Variants in NUP98 observed in about 807,000 individuals in gnomAD.
NUP98 encodes nucleoporin 98 and 96 precursor, also known as nuclear pore complex protein Nup98-Nup96.
A neutral mutation model predicts 191.9 loss-of-function variants in NUP98; 26 were observed. The observed-to-expected ratio is 0.14, with a 90% CI of 0.10 to 0.19. The LOEUF (loss-of-function observed/expected upper bound fraction) is 0.19. NUP98 is among the 10% of genes least tolerant of loss of function. The pLI is 1.00. For missense variants in NUP98, 1,941 were observed against 2,178.8 expected (o/e 0.89, Z 2.17); for synonymous variants, 808 against 778.4 (o/e 1.04, Z -0.63).
intron 12 of NUP98, among the ~76,000 whole-genome samples, chr11:3,742,503 C>A (rs2080319247): frequency 6.6e-6 from 1 of 151,878 alleles, no homozygotes; most frequent in South Asian, 2.1e-4. Context: ...GAGTTCGAGA[C>A]CAGCCTGGCC....
intron 28 of NUP98, among the ~76,000 whole-genome samples, chr11:3,687,734 A>T (rs898237981): frequency 1.3e-5 from 2 of 152,248 alleles, no homozygotes; most frequent in African/African-American, 4.8e-5. Context: ...ATGGTTAATA[A>T]GGAAATGTTA....
chr11:3,787,525 G>A lies in NUP98; in HGVS notation c.-28-5380C>T, dbSNP rs558297429. ...TCGAACCCGGAAGGCAGAGGTTGCA[G>A]TGAGCCAAGATCATTCCAGCCTGGG... On this transcript the variant is annotated intron_variant, in intron 1 of 32. Coordinates refer to ENST00000324932, the MANE Select transcript of NUP98 (RefSeq NM_016320.5). Among the ~76,000 whole-genome samples, 6 of 152,212 alleles carry A rather than the reference G, an allele frequency of 3.9e-5. No individual in the cohort carries two copies. The East Asian group carries it at 1.2e-3, about 29-fold the overall frequency.
chr11:3,729,316 AG>A (rs1387362567), intron 14 of NUP98, among the ~76,000 whole-genome samples: 1 of 152,080 alleles, frequency 6.6e-6, no homozygotes, highest in Admixed American at 6.6e-5. Flanking sequence ...GCAACCAGCA[AG>A]GCAGGAAGAA....
At chr11:3,775,252 G>A (rs975736929) in intron 5 of NUP98, among the ~76,000 whole-genome samples, 5 of 152,068 alleles carry the variant, frequency 3.3e-5, no homozygotes, top group African/African-American at 4.8e-5. Flanking sequence ...TGACCAGGCC[G>A]GGCATGGTGG....
chr11:3,777,639 AAAG>A (rs1264526833), intron 4 of NUP98, among the ~76,000 whole-genome samples: 2 of 151,598 alleles, frequency 1.3e-5, no homozygotes, highest in African/African-American at 4.8e-5. Context: ...AAAAAAAAAA[AAAG>A]AAGTTATACA....
chr11:3,747,943 C>T (rs2080569775), intron 11 of NUP98, among the ~76,000 whole-genome samples: 1 of 152,166 alleles, frequency 6.6e-6, no homozygotes, highest in Admixed American at 6.6e-5. Flanking sequence ...TGTGTGCTTG[C>T]TGACTCACAA....
chr11:3,729,817 TC>T (rs955654206), intron 14 of NUP98, among the ~76,000 whole-genome samples: 8 of 149,014 alleles, frequency 5.4e-5, no homozygotes, highest in Non-Finnish European at 3.0e-5. Flanking sequence ...ATGTATGTCC[TC>T]CCACTCTAAT....
chr11:3,696,517 G>GA (rs147702438), intron 25 of NUP98, among the ~76,000 whole-genome samples: 7 of 148,456 alleles, frequency 4.7e-5, no homozygotes, highest in Non-Finnish European at 7.5e-5. Flanking sequence ...AGGGGGGAGG[G>GA]AAAAAAAAAG....
chr11:3,686,801 G>C (rs568456864), intron 28 of NUP98, among the ~76,000 whole-genome samples: 1 of 152,186 alleles, frequency 6.6e-6, no homozygotes, highest in Non-Finnish European at 1.5e-5. Flanking sequence ...GCCTGGCCAA[G>C]ATGGTGAAAC....
chr11:3,691,617 A>G, intron 27 of NUP98, 128 bp from the exon 28 acceptor site: 11 of 855,528 alleles, frequency 1.3e-5, no homozygotes, highest in South Asian at 1.8e-5. Context: ...GCAGTGGGAC[A>G]ATCTCGGCTC....
intron 11 of NUP98, among the ~76,000 whole-genome samples, chr11:3,746,077 C>G (rs2080479676): frequency 6.6e-6 from 1 of 151,912 alleles, no homozygotes; most frequent in African/African-American, 2.4e-5. Flanking sequence ...CAAGACCAGC[C>G]TGACCAACAT....
At chr11:3,727,098 T>C (rs952569277) in intron 14 of NUP98, among the ~76,000 whole-genome samples, 2 of 151,870 alleles carry the variant, frequency 1.3e-5, no homozygotes, top group African/African-American at 4.8e-5. Flanking sequence ...TTCTAGAAAA[T>C]AGAAAGAGGA....
At chr11:3,762,179 G>A (rs1007825298) in intron 9 of NUP98, among the ~76,000 whole-genome samples, 1 of 151,942 alleles carries the variant, frequency 6.6e-6, no homozygotes, top group Non-Finnish European at 1.5e-5. Context: ...GCGCGATCTC[G>A]GGTCACTGCA....
intron 28 of NUP98, among the ~76,000 whole-genome samples, chr11:3,688,362 C>T (rs567802629): frequency 1.5e-4 from 23 of 151,920 alleles, no homozygotes; most frequent in South Asian, 2.1e-4. Flanking sequence ...GCCTAGTTCG[C>T]GCCACTGCAC....
At chr11:3,763,754 C>G (rs1371620783) in intron 8 of NUP98, among the ~76,000 whole-genome samples, 3 of 152,132 alleles carry the variant, frequency 2.0e-5, no homozygotes, top group Non-Finnish European at 4.4e-5. Flanking sequence ...TCACAATGTG[C>G]CCAGGCTGGT....
At chr11:3,679,473 T>C (rs1214657017) in intron 31 of NUP98, 81 bp downstream of exon 31, 13 of 1,477,608 alleles carry the variant, frequency 8.8e-6, no homozygotes, top group Middle Eastern at 1.7e-4. Flanking sequence ...CTCAAGTGTA[T>C]ACTAAGGCCT....
chr11:3,695,012 A>C (rs1432960926), intron 26 of NUP98, among the ~76,000 whole-genome samples: 1 of 152,182 alleles, frequency 6.6e-6, no homozygotes, highest in Non-Finnish European at 1.5e-5. Context: ...TAGACTTAAA[A>C]ACTAGCTGTG....
intron 2 of NUP98, among the ~76,000 whole-genome samples, 188 bp from the exon 3 acceptor site, chr11:3,779,445 C>T (rs1360954170): frequency 6.6e-6 from 1 of 151,816 alleles, no homozygotes; most frequent in African/African-American, 2.4e-5. Flanking sequence ...AGTTCAAGAC[C>T]AGCCTGACCA....
chr11:3,768,717 C>T lies in NUP98; in HGVS notation c.812G>A (p.Gly271Asp). The stretch of plus-strand genomic sequence containing the variant: ...CTGATTCTGTTGGCCAAAGAGACCA[C>T]CTGGATTTGTTCCAAATCCAGTTGT... Reference protein sequence around the residue: ...TSTTGFGTNPGGLFGQQNQQT... With the variant: ...TSTTGFGTNPDGLFGQQNQQT... The change falls in exon 8 of 33, where the codon GGT becomes GAT. Residue 271 changes from glycine to aspartate, a missense_variant. By Grantham distance (94) the Gly-to-Asp change is moderately conservative (BLOSUM62 -1). Around this residue, in one of 6 missense-constraint regions of NUP98, gnomAD observed 181 missense variants for 228.0 expected, o/e 0.79. Coordinates refer to ENST00000324932, the MANE Select transcript of NUP98 (RefSeq NM_016320.5). The T allele has an allele frequency of 6.3e-7, 1 of 1,589,102 alleles. No homozygotes were observed. The highest frequency in any genetic ancestry group is 8.6e-7 in the Non-Finnish European group (1 of 1,169,110).
Sources: gnomAD v4.1 joint callset for allele counts (sites outside exome capture counted in the v4.1 genomes callset) on GRCh38, gnomAD v4.1.1 for gene constraint, gnomAD v4.1.1 regional missense constraint, MANE v1.5 for transcripts, NCBI Gene and HGNC (gene_info 2026-07-23, HGNC 2026-07-21) for gene names.